The following BMP6 variants were observed in gnomAD, a reference collection of about 807,000 sequenced individuals.
The protein encoded by BMP6 is bone morphogenetic protein 6.
A neutral mutation model predicts 54.1 loss-of-function variants in BMP6; 17 were observed. The ratio of observed to expected loss-of-function variants is 0.31; its 90% confidence interval spans 0.22 to 0.47. The LOEUF is 0.47. Ranked by LOEUF, BMP6 falls within the 20% of genes least tolerant of loss-of-function variation. The pLI is 1.00. For synonymous variants in BMP6, 328 were observed against 291.2 expected (o/e 1.13, Z -1.28); for missense variants, 720 against 690.4 (o/e 1.04, Z -0.48).
chr6:7,845,212 CTGAGGG>C lies in BMP6; in HGVS notation c.743_748del (p.Gly248_Glu249del). On this transcript the variant is annotated inframe_deletion, in exon 2 of 7. Transcript: ENST00000283147. ...TTCAAGTTCAACTTATCCCAGATTC[CTGAGGG>C]TGAGGTGGTGACGGCTGCAGAATTC... 11 of 1,614,146 alleles carry C rather than the reference CTGAGGG, an allele frequency of 6.8e-6. No homozygotes were observed. The highest frequency in any genetic ancestry group is 9.3e-6 in the Non-Finnish European group (11 of 1,180,008).
chr6:7,777,377 A>G (rs1477298909), intron 1 of BMP6, among the ~76,000 whole-genome samples: 1 of 152,182 alleles, frequency 6.6e-6, no homozygotes, highest in Non-Finnish European at 1.5e-5. Context: ...ACTTTTATGC[A>G]CTGTGGTTTT....
At position 7,786,024 on chromosome 6, in the gene BMP6, T is replaced by C. The variant is rs186808827; in HGVS notation, c.664+58405T>C. On this transcript the variant is annotated intron_variant, in intron 1 of 6. Transcript: ENST00000283147. ...GTTTCTTTGCCCTTGTATTAACGAA[T>C]GTGCCCCTGAAGAGTCTTGAAAATG... Among the ~76,000 whole-genome samples, 37 of 152,334 alleles carry C rather than the reference T, an allele frequency of 2.4e-4. No individual in the cohort carries two copies. In the South Asian group the frequency reaches 7.0e-3, roughly 29 times the overall value.
intron 1 of BMP6, among the ~76,000 whole-genome samples, chr6:7,813,084 T>TAAAAAAAAAAAAA (rs1758457888): frequency 3.8e-4 from 1 of 2,644 alleles, no homozygotes; most frequent in Non-Finnish European, 6.1e-4. Flanking sequence ...GCCCTGTCTC[T>TAAAAAAAAAAAAA]ACAAAAAAAA....
chr6:7,851,857 T>G (rs1169510591), intron 2 of BMP6, among the ~76,000 whole-genome samples: 2 of 152,226 alleles, frequency 1.3e-5, no homozygotes, highest in East Asian at 3.8e-4. Flanking sequence ...ATGTTATGTG[T>G]CTGCCATATT....
At position 7,727,335 on chromosome 6, in the gene BMP6, G is replaced by C. The variant is rs761992924; in HGVS notation, c.380G>C (p.Gly127Ala). 1.9e-6 allele frequency: 3 copies of C among 1,609,658 alleles called. No homozygotes were observed. The South Asian group carries it at 3.3e-5, about 18-fold the overall frequency. Residue 127 changes from glycine to alanine, a missense_variant, in exon 1 of 7, where the codon GGG becomes GCG. Transcript: ENST00000283147. ...CTGCCTCGCGGAGAGCCCCCTCCCGGGCGACTGAAGTCCGCGCCCCTCTTC... is the reference window on the plus strand; with the variant it reads ...CTGCCTCGCGGAGAGCCCCCTCCCGCGCGACTGAAGTCCGCGCCCCTCTTC... The part of the protein sequence containing the change: ...QQLPRGEPPP[G>A]RLKSAPLFML...
intron 1 of BMP6, among the ~76,000 whole-genome samples, chr6:7,761,032 G>A (rs958225336): frequency 1.3e-5 from 2 of 152,224 alleles, no homozygotes; most frequent in African/African-American, 4.8e-5. Flanking sequence ...TTAGTTGAAC[G>A]AGGGTCAGTT....
intron 1 of BMP6, among the ~76,000 whole-genome samples, chr6:7,740,499 T>G (rs1762026727): frequency 6.6e-6 from 1 of 152,150 alleles, no homozygotes; most frequent in Non-Finnish European, 1.5e-5. Context: ...TTTTAATCAT[T>G]AGATTCCATT....
At chr6:7,835,036 A>C (rs939839411) in intron 1 of BMP6, among the ~76,000 whole-genome samples, 1 of 152,216 alleles carries the variant, frequency 6.6e-6, no homozygotes, top group Non-Finnish European at 1.5e-5. Context: ...AGTAGGCACA[A>C]AACACTGTAG....
chr6:7,746,816 C>T (rs548572165), intron 1 of BMP6, among the ~76,000 whole-genome samples: 52 of 152,304 alleles, frequency 3.4e-4, no homozygotes, highest in African/African-American at 1.2e-3. Flanking sequence ...AGTTGGCCCA[C>T]GGGAAACTTC....
intron 1 of BMP6, among the ~76,000 whole-genome samples, chr6:7,771,939 G>T (rs993787098): frequency 1.3e-5 from 2 of 151,988 alleles, no homozygotes; most frequent in Non-Finnish European, 2.9e-5. Context: ...TGTAATCCCA[G>T]CTACTTGGGA....
At chr6:7,766,636 A>G (rs1159230505) in intron 1 of BMP6, among the ~76,000 whole-genome samples, 2 of 152,170 alleles carry the variant, frequency 1.3e-5, no homozygotes, top group Non-Finnish European at 2.9e-5. Flanking sequence ...TAAAATAAAT[A>G]AATAAAAAGA....
intron 5 of BMP6, among the ~76,000 whole-genome samples, chr6:7,879,523 T>C (rs1295767191): frequency 6.6e-6 from 1 of 152,128 alleles, no homozygotes; most frequent in Non-Finnish European, 1.5e-5. Context: ...GGTTAACATC[T>C]CCAATGGCTG....
At chr6:7,782,260 T>C (rs1242853896) in intron 1 of BMP6, among the ~76,000 whole-genome samples, 1 of 142,688 alleles carries the variant, frequency 7.0e-6, no homozygotes, top group African/African-American at 2.5e-5. Flanking sequence ...CACACCAGAT[T>C]GGTGGAGGGA....
At chr6:7,831,046 G>A (rs1758786039) in intron 1 of BMP6, among the ~76,000 whole-genome samples, 1 of 152,218 alleles carries the variant, frequency 6.6e-6, no homozygotes, top group South Asian at 2.1e-4. Context: ...GGTGGAAAGA[G>A]TCCAAATGTC....
At chr6:7,809,168 A>C (rs1758399904) in intron 1 of BMP6, among the ~76,000 whole-genome samples, 1 of 148,618 alleles carries the variant, frequency 6.7e-6, no homozygotes, top group Non-Finnish European at 1.5e-5. Flanking sequence ...AAAAGTGATA[A>C]CTTCCTTTAA....
intron 1 of BMP6, among the ~76,000 whole-genome samples, chr6:7,759,823 C>T (rs1313872278): frequency 8.9e-5 from 13 of 145,588 alleles, no homozygotes; most frequent in Non-Finnish European, 1.5e-4. Context: ...CCTGCCTTAG[C>T]CTCCCAAGTA....
chr6:7,737,393 C>T (rs562989606), intron 1 of BMP6, among the ~76,000 whole-genome samples: 4 of 152,076 alleles, frequency 2.6e-5, no homozygotes, highest in African/African-American at 9.6e-5. Context: ...GTGCCTGGAG[C>T]CAAAGATATC....
chr6:7,856,594 C>CTTTTTTTTT (rs1561792989), intron 2 of BMP6, among the ~76,000 whole-genome samples: 1 of 77,254 alleles, frequency 1.3e-5, no homozygotes. Flanking sequence ...TTATCAAGAG[C>CTTTTTTTTT]ATTTTTTTTT....
intron 1 of BMP6, among the ~76,000 whole-genome samples, chr6:7,736,942 C>G (rs762483136): frequency 1.3e-5 from 2 of 152,146 alleles, no homozygotes; most frequent in Admixed American, 6.5e-5. Context: ...AATCCCAGCA[C>G]TTTGGGAGGC....
Sources: allele counts gnomAD v4.1 joint callset (sites outside exome capture counted in the v4.1 genomes callset), GRCh38; gene constraint gnomAD v4.1.1; transcripts MANE v1.5; gene names NCBI Gene and HGNC (gene_info 2026-07-23, HGNC 2026-07-21).